RGL4: variants seen among roughly 807,000 people sequenced by gnomAD.
The protein encoded by RGL4 is ral-GDS-related protein.
In RGL4, 41 loss-of-function variants were observed where a neutral mutation model predicts 49.6. The ratio of observed to expected loss-of-function variants is 0.83; its 90% CI spans 0.64 to 1.07. RGL4 has a LOEUF of 1.07. Ranked by LOEUF, RGL4 falls within the 50% of genes least tolerant of loss-of-function variation. The pLI, the probability that RGL4 is intolerant of heterozygous loss-of-function variation, is 0.00. For synonymous variants in RGL4, 255 were observed against 238.0 expected, an observed-to-expected ratio of 1.07 and a Z score of -0.66; for missense variants, 610 against 591.9, an observed-to-expected ratio of 1.03 and a Z score of -0.32.
chr22:23,694,239 C>A, intron 4 of RGL4, 108 bp from the exon 5 acceptor site: 3 of 925,930 alleles, frequency 3.2e-6, no homozygotes, highest in South Asian at 1.4e-5. Flanking sequence ...TCCTGAGGCT[C>A]CCCAGGCCTC....
At chr22:23,692,296 A>G (rs748976621) in intron 1 of RGL4, 39 bp from the exon 2 acceptor site, 5 of 1,609,442 alleles carry the variant, frequency 3.1e-6, no homozygotes, top group Non-Finnish European at 4.2e-6. Context: ...GTGTGGGAGA[A>G]GGCCAGGCCT....
chr22:23,693,271 G>A, intron 3 of RGL4: 1 of 539,028 alleles, frequency 1.9e-6, no homozygotes, highest in Non-Finnish European at 3.2e-6. Context: ...GGGCAGGCAG[G>A]GCCATGGGTC....
Position 23,692,356 on chromosome 22 carries a change from C to T in RGL4, c.201C>T (p.Phe67=), listed in dbSNP as rs140951699. 6.2e-7 allele frequency: 1 copy of T among 1,614,048 alleles called. No homozygotes were observed. The highest frequency in any genetic ancestry group is 1.3e-5 in the African/African-American group (1 of 74,932). The change falls in exon 2 of 11, where the codon TTC becomes TTT. Residue 67 remains phenylalanine (F), a synonymous_variant. Transcript: ENST00000290691. ...CCAGCACCATCACCTCCATTTTGTTCAACTGGCCCCCCGAAAACACTTCAG... is the reference window on the plus strand; with the variant it reads ...CCAGCACCATCACCTCCATTTTGTTTAACTGGCCCCCCGAAAACACTTCAG... ...DGLRTITSIL[F]NWPPENTSVY...
At position 23,699,159 on chromosome 22, in the gene RGL4, T is replaced by A. The variant is rs1923734498; in HGVS notation, c.*276T>A. The stretch of plus-strand genomic sequence containing the variant: ...CTTAACTTTCGTTAAAATAAAATTT[T>A]AAAAAACTATTCAAAATGTTCTGTA... On this transcript the variant is annotated 3_prime_UTR_variant, in exon 11 of 11. Coordinates refer to ENST00000290691, the MANE Select transcript of RGL4 (RefSeq NM_153615.2). 1 of 1,394,754 alleles carries A rather than the reference T, an allele frequency of 7.2e-7. No homozygotes were observed. The highest frequency in any genetic ancestry group is 2.6e-5 in the Admixed American group (1 of 38,918). The allele number at this position is 1,394,754 out of a possible 1,614,324, so 86.4% of individuals were successfully genotyped here. A position where few individuals can be genotyped will look rare whatever the true frequency, so the allele number is the denominator to read the frequency against.
At chr22:23,697,078 T>C (rs1353305674) in intron 7 of RGL4, 93 bp from the exon 8 acceptor site, 2 of 943,794 alleles carry the variant, frequency 2.1e-6, no homozygotes, top group East Asian at 2.5e-5. Context: ...CAGGGGCTGA[T>C]GGGATTTCAT....
chr22:23,694,867 T>C (rs1297393104), intron 5 of RGL4, 83 bp from the exon 6 acceptor site: 1 of 1,095,318 alleles, frequency 9.1e-7, no homozygotes, highest in Admixed American at 1.7e-5. Flanking sequence ...TGGGATTCAC[T>C]GGGTTTTCAA....
At chr22:23,694,262 G>A in intron 4 of RGL4, 85 bp from the exon 5 acceptor site, 1 of 1,067,808 alleles carries the variant, frequency 9.4e-7, no homozygotes, top group East Asian at 2.4e-5. Flanking sequence ...CTTCATCCAG[G>A]AGGGGAGATC....
At chr22:23,697,912 C>A in intron 9 of RGL4, 51 bp downstream of exon 9, 1 of 1,574,450 alleles carries the variant, frequency 6.4e-7, no homozygotes, top group Non-Finnish European at 8.6e-7. Flanking sequence ...GTGGACGTCA[C>A]AGTCCACCCT....
In RGL4 at chr22:23,693,981, T is replaced by C; in HGVS notation, c.912+7T>C. ...CTGGATCAAGGTGGCCAGGGTAAGC[T>C]ATGGTTGGGCCTGGGGATTCCCTCT... On this transcript the variant is annotated splice_region_variant and intron_variant, in intron 4 of 10. Coordinates refer to ENST00000290691, the MANE Select transcript of RGL4 (RefSeq NM_153615.2). 1 of 1,612,094 alleles carries C rather than the reference T, an allele frequency of 6.2e-7. No homozygotes were observed. The highest frequency in any genetic ancestry group is 8.5e-7 in the Non-Finnish European group (1 of 1,178,862).
chr22:23,693,664 C>A, intron 3 of RGL4, 95 bp from the exon 4 acceptor site: 1 of 989,540 alleles, frequency 1.0e-6, no homozygotes, highest in Non-Finnish European at 1.6e-6. Context: ...CTGCCAGAGA[C>A]CGTGGATGAC....
intron 6 of RGL4, 52 bp downstream of exon 6, chr22:23,695,071 G>C (rs758591816): frequency 4.3e-6 from 6 of 1,385,678 alleles, no homozygotes; most frequent in South Asian, 1.2e-5. Context: ...TCAGAGAAAA[G>C]AGTGAGTTTG....
rs145312479 is a variant in RGL4, at chr22:23,698,288, T to C, written c.1337T>C (p.Phe446Ser). The C allele has an allele frequency of 1.3e-4, 209 of 1,611,738 alleles. 1 individual carries two copies. In the African/African-American group the frequency reaches 2.2e-3, roughly 17 times the overall value. The change falls in exon 10 of 11, where the codon TTT becomes TCT. Residue 446 changes from phenylalanine (F) to serine (S), a missense_variant. Physicochemically the swap from Phe to Ser is radical, Grantham distance 155. Coordinates refer to ENST00000290691, the MANE Select transcript of RGL4 (RefSeq NM_153615.2). ...MNYRLRPLEK[F>S]VTYFTRMEQL... ...TACAGGCTTCGGCCTCTTGAGAAAT[T>C]TGTCACCTATTTCACAAGAATGGAG...
Position 23,693,867 on chromosome 22 carries a change from C to A in RGL4, c.805C>A (p.His269Asn). ...ACCCACAGTTCGTGCCACCATCGCA[C>A]ACTTCAACAGGCTCACCAACTGCAT... ...MAPTVRATIA[H>N]FNRLTNCITT... The change falls in exon 4 of 11, where the codon CAC becomes AAC. Residue 269 changes from histidine (H) to asparagine (N), a missense_variant. Physicochemically the swap from His to Asn is moderately conservative, Grantham distance 68. Transcript: ENST00000290691. 2 of 1,614,070 alleles carry A rather than the reference C, an allele frequency of 1.2e-6. No individual in the cohort carries two copies. The highest frequency in any genetic ancestry group is 1.6e-4 in the Middle Eastern group (1 of 6,062).
rs1184573829 is a variant in RGL4, at chr22:23,698,200, C to T, written c.1261-12C>T. 3 of 1,595,204 alleles carry T rather than the reference C, an allele frequency of 1.9e-6. No homozygotes were observed. The highest frequency in any genetic ancestry group is 1.7e-5 in the Admixed American group (1 of 59,562). ...ACCCAGGCCCTGTCAGCATCCTGTC[C>T]TCTGTCTCTAGGAGGTCCGAGTTCT... On this transcript the variant is annotated splice_polypyrimidine_tract_variant and intron_variant, in intron 9 of 10. Coordinates refer to ENST00000290691, the MANE Select transcript of RGL4 (RefSeq NM_153615.2).
In RGL4 at chr22:23,698,881, T is replaced by G; in HGVS notation, c.1420T>G (p.Ter474GluextTer79). 6.2e-7 allele frequency: 1 copy of G among 1,612,896 alleles called. No individual in the cohort carries two copies. Among genetic ancestry groups the G allele is most frequent in the Non-Finnish European group, 8.5e-7 (1 of 1,179,588 alleles). The change falls in exon 11 of 11, where the codon TAG becomes GAG. Residue 474 changes from the stop codon to glutamate (E), a stop_lost. Coordinates refer to ENST00000290691, the MANE Select transcript of RGL4 (RefSeq NM_153615.2). ...LSCQLEPENP[*>E] Reference sequence around the variant, plus strand: ...CTGCCAGCTGGAGCCCGAAAACCCGTAGGCTGGCAACATCCTGCAGTGGCT... The same window carrying G: ...CTGCCAGCTGGAGCCCGAAAACCCGGAGGCTGGCAACATCCTGCAGTGGCT...
At chr22:23,697,273 G>A in intron 8 of RGL4, 28 bp downstream of exon 8, 1 of 1,587,106 alleles carries the variant, frequency 6.3e-7, no homozygotes, top group Non-Finnish European at 8.6e-7. Flanking sequence ...AGGGTGCTTG[G>A]GAACCAAGAT....
At position 23,693,965 on chromosome 22, in the gene RGL4, G is replaced by A; in HGVS notation, c.903G>A (p.Lys301=). 1 of 1,613,584 alleles carries A rather than the reference G, an allele frequency of 6.2e-7. No homozygotes were observed. Among genetic ancestry groups the A allele is most frequent in the Admixed American group, 1.7e-5 (1 of 60,032 alleles). The change falls in exon 4 of 11, where the codon AAG becomes AAA. Residue 301 remains lysine (K), a synonymous_variant. Coordinates refer to ENST00000290691, the MANE Select transcript of RGL4 (RefSeq NM_153615.2). ...CCAGGGTGGTGGAGCACTGGATCAAGGTGGCCAGGGTAAGCTATGGTTGGG... is the reference window on the plus strand; with the variant it reads ...CCAGGGTGGTGGAGCACTGGATCAAAGTGGCCAGGGTAAGCTATGGTTGGG... ...DRARVVEHWI[K]VARECLSLNN... is the part of the protein sequence containing the mutation.
In RGL4 at chr22:23,693,940, C is replaced by A; in HGVS notation, c.878C>A (p.Ala293Asp). 6.2e-7 allele frequency: 1 copy of A among 1,613,794 alleles called. No individual in the cohort carries two copies. The highest frequency in any genetic ancestry group is 8.5e-7 in the Non-Finnish European group (1 of 1,179,994). Reference sequence around the variant, plus strand: ...CACAGCATGAGGGCCCGGGACAGGGCCAGGGTGGTGGAGCACTGGATCAAG... The same window carrying A: ...CACAGCATGAGGGCCCGGGACAGGGACAGGGTGGTGGAGCACTGGATCAAG... Reference protein sequence around the residue: ...GDHSMRARDRARVVEHWIKVA... With the variant: ...GDHSMRARDRDRVVEHWIKVA... The change falls in exon 4 of 11, where the codon GCC becomes GAC. Residue 293 changes from alanine (A) to aspartate (D), a missense_variant. By Grantham distance (126) the Ala-to-Asp change is moderately radical. Transcript: ENST00000290691.
rs1400215181 is a variant in RGL4 at position 23,699,086 on chromosome 22, G to A, written c.*203G>A. On this transcript the variant is annotated 3_prime_UTR_variant, in exon 11 of 11. Transcript: ENST00000290691. ...CATGGGACTTTTGTGAGTCAGGCGG[G>A]AGACCATTTTATGTTTATTTTCTTT... 6.5e-7 allele frequency: 1 copy of A among 1,538,528 alleles called. No individual in the cohort carries two copies. The highest frequency in any genetic ancestry group is 1.4e-5 in the African/African-American group (1 of 73,102).
Sources: allele counts gnomAD v4.1 joint callset, GRCh38; gene constraint gnomAD v4.1.1; transcripts MANE v1.5; gene names NCBI Gene and HGNC (gene_info 2026-07-23, HGNC 2026-07-21).